Variants in PLXNA2 observed in about 807,000 individuals in gnomAD.
PLXNA2 encodes plexin A2.
In PLXNA2, 91 loss-of-function variants were observed where a neutral mutation model predicts 193.5. The observed-to-expected ratio is 0.47, with a 90% CI of 0.40 to 0.56. The LOEUF is 0.56. Among genes scored for constraint, PLXNA2 ranks in the 20% least tolerant of loss-of-function variants. The probability of loss-of-function intolerance (pLI) is 0.00; values close to 1 mark genes in which losing one functional copy is unlikely to be tolerated. For synonymous variants in PLXNA2, 997 were observed against 1,027.3 expected, an observed-to-expected ratio of 0.97 and a Z score of 0.56; for missense variants, 1,995 against 2,503.2, an observed-to-expected ratio of 0.80 and a Z score of 4.33.
At position 208,217,041 on chromosome 1, in the gene PLXNA2, C is replaced by T. The variant is rs139833440; in HGVS notation, c.882G>A (p.Val294=). Residue 294 remains valine, a synonymous_variant, in exon 2 of 32, where the codon GTG becomes GTA. Coordinates refer to ENST00000367033, the MANE Select transcript of PLXNA2 (RefSeq NM_025179.4). The surrounding 1 kb of genome is among the most constrained non-coding windows in gnomAD (Gnocchi z 4.7). Reference sequence around the variant, plus strand: ...CCCGGGTGCAGCCGAAGGGCAGGGACACGTATGAGTGGAACTTGGGGTCAT... The same window carrying T: ...CCCGGGTGCAGCCGAAGGGCAGGGATACGTATGAGTGGAACTTGGGGTCAT... The part of the protein sequence containing the change: ...CKDDPKFHSY[V]SLPFGCTRAG... The T allele has an allele frequency of 1.2e-6, 2 of 1,612,654 alleles. No individual in the cohort carries two copies. Among genetic ancestry groups the T allele is most frequent in the African/African-American group, 1.3e-5 (1 of 75,012 alleles).
At chr1:208,216,572 G>A (rs1158270885) in intron 2 of PLXNA2, among the ~76,000 whole-genome samples, 163 bp downstream of exon 2, 2 of 152,204 alleles carry the variant, frequency 1.3e-5, no homozygotes, top group African/African-American at 2.4e-5. Context: ...TCTGGTGTAC[G>A]TAAGACCCTG....
In PLXNA2 at chr1:208,044,351, T is replaced by A. The variant is rs1664981235; in HGVS notation, c.3874+157A>T. ...TCTTCATTGGACATCTCTGACCCTA[T>A]AAGCAAAAGAAGTTCTGGGAAAACA... On this transcript the variant is annotated intron_variant, in intron 20 of 31. Coordinates refer to ENST00000367033, the MANE Select transcript of PLXNA2 (RefSeq NM_025179.4). This position sits in a 1 kb window ranked among gnomAD's most constrained non-coding sequence, Gnocchi z 4.9. Among the ~76,000 whole-genome samples the A allele has an allele frequency of 6.6e-6, 1 of 152,228 alleles. No homozygotes were observed. Among genetic ancestry groups the A allele is most frequent in the Non-Finnish European group, 1.5e-5 (1 of 68,040 alleles).
At chr1:208,185,863 G>A (rs1669982547) in intron 3 of PLXNA2, among the ~76,000 whole-genome samples, 1 of 152,120 alleles carries the variant, frequency 6.6e-6, no homozygotes, top group Non-Finnish European at 1.5e-5. Context: ...AGGAAGAGGT[G>A]CTGGTGGTTT....
In PLXNA2 at chr1:208,101,649, T is replaced by C. The variant is rs991721827; in HGVS notation, c.1607+1498A>G. Among the ~76,000 whole-genome samples the C allele has an allele frequency of 2.0e-5, 3 of 152,286 alleles. No individual in the cohort carries two copies. The South Asian group carries it at 6.2e-4, about 32-fold the overall frequency. On this transcript the variant is annotated intron_variant, in intron 5 of 31. Transcript: ENST00000367033. ...TGCGGCAGCGGGGAGGCCCAGGCAT[T>C]GCTGATAGATCTATAGGCACTTGTT...
In PLXNA2 at chr1:208,217,831, G is replaced by A. The variant is rs778314708; in HGVS notation, c.92C>T (p.Pro31Leu). The change falls in exon 2 of 32, where the codon CCA (proline) becomes CTA (leucine). Residue 31 changes from proline to leucine, a missense_variant. By Grantham distance (98) the Pro-to-Leu change is moderately conservative (BLOSUM62 -3). Around this residue, in one of 3 missense-constraint regions of PLXNA2, gnomAD observed 702 missense variants for 812.9 expected, o/e 0.86. Transcript: ENST00000367033. This position sits in a 1 kb window ranked among gnomAD's most constrained non-coding sequence, Gnocchi z 4.7. ...LSVVWVLLAP[P>L]AAGMPQFSTF... Reference sequence around the variant, plus strand: ...GCTGAACTGAGGCATGCCGGCTGCTGGGGGGGCCAGCAGCACCCAGACCAC... The same window carrying A: ...GCTGAACTGAGGCATGCCGGCTGCTAGGGGGGCCAGCAGCACCCAGACCAC... 3.7e-6 allele frequency: 6 copies of A among 1,613,718 alleles called. No homozygotes were observed. The highest frequency in any genetic ancestry group is 5.1e-6 in the Non-Finnish European group (6 of 1,179,950).
chr1:208,192,817 G>A (rs1181121288), intron 3 of PLXNA2, among the ~76,000 whole-genome samples: 1 of 151,826 alleles, frequency 6.6e-6, no homozygotes, highest in African/African-American at 2.4e-5. Flanking sequence ...AACCCAGGAG[G>A]TGGAGGGTGC....
At chr1:208,211,784 C>T (rs749107653) in intron 2 of PLXNA2, among the ~76,000 whole-genome samples, 1 of 151,940 alleles carries the variant, frequency 6.6e-6, no homozygotes, top group Non-Finnish European at 1.5e-5. Flanking sequence ...AAAACTTGGA[C>T]AAGCAGGGTC....
At chr1:208,184,053 T>C (rs1324701988) in intron 3 of PLXNA2, among the ~76,000 whole-genome samples, 1 of 152,140 alleles carries the variant, frequency 6.6e-6, no homozygotes, top group Admixed American at 6.5e-5. Context: ...GATATAAAAG[T>C]TTTTTCTCAT....
chr1:208,187,061 G>T (rs999363294), intron 3 of PLXNA2, among the ~76,000 whole-genome samples: 3 of 152,168 alleles, frequency 2.0e-5, no homozygotes, highest in African/African-American at 7.2e-5. Flanking sequence ...GTAGGAAGGT[G>T]GGGGAGGGAC....
Position 208,092,871 on chromosome 1 carries a change from C to A in PLXNA2, c.2012G>T (p.Arg671Leu). ...LCLSCVNSAF[R>L]CHWCKYRNLC... Reference sequence around the variant, plus strand: ...GTTGCGGTACTTGCACCAATGGCAGCGGAAGGCGCTGTTGACACAGGACAG... The same window carrying A: ...GTTGCGGTACTTGCACCAATGGCAGAGGAAGGCGCTGTTGACACAGGACAG... Residue 671 changes from arginine (R) to leucine (L), a missense_variant, in exon 9 of 32, where the codon CGC becomes CTC. By Grantham distance (102) the Arg-to-Leu change is moderately radical (BLOSUM62 -2). This residue lies in a region of PLXNA2 where 1,291 missense variants were observed against 1,673.6 expected (regional missense o/e 0.77). Coordinates refer to ENST00000367033, the MANE Select transcript of PLXNA2 (RefSeq NM_025179.4). The A allele has an allele frequency of 6.2e-7, 1 of 1,613,782 alleles. No individual in the cohort carries two copies. Among genetic ancestry groups the A allele is most frequent in the Non-Finnish European group, 8.5e-7 (1 of 1,179,822 alleles).
chr1:208,054,495 C>T lies in PLXNA2; in HGVS notation c.2782G>A (p.Gly928Arg), dbSNP rs760161390. 6 of 1,614,236 alleles carry T rather than the reference C, an allele frequency of 3.7e-6. No individual in the cohort carries two copies. The highest frequency in any genetic ancestry group is 4.2e-6 in the Non-Finnish European group (5 of 1,180,040). ...MGHALVGTTSGPVRLCIGECK... is the reference protein window; with the variant it reads ...MGHALVGTTSRPVRLCIGECK... ...TCGCCAATACACAGGCGTACTGGCCCGGAGGTGGTTCCCACGAGGGCATGG... is the reference window on the plus strand; with the variant it reads ...TCGCCAATACACAGGCGTACTGGCCTGGAGGTGGTTCCCACGAGGGCATGG... Residue 928 changes from glycine to arginine, a missense_variant, in exon 14 of 32, where the codon GGG becomes AGG. Around this residue, in one of 3 missense-constraint regions of PLXNA2, gnomAD observed 1,291 missense variants for 1,673.6 expected, o/e 0.77. Coordinates refer to ENST00000367033, the MANE Select transcript of PLXNA2 (RefSeq NM_025179.4).
At chr1:208,130,132 A>T (rs1248808823) in intron 4 of PLXNA2, among the ~76,000 whole-genome samples, 1 of 152,168 alleles carries the variant, frequency 6.6e-6, no homozygotes, top group Non-Finnish European at 1.5e-5. Context: ...TGAGGGAGGT[A>T]ACTTGAGGCA....
At chr1:208,115,551 C>T (rs117574378) in intron 4 of PLXNA2, among the ~76,000 whole-genome samples, 2 of 152,242 alleles carry the variant, frequency 1.3e-5, no homozygotes, top group East Asian at 1.9e-4. Flanking sequence ...TACACCATAC[C>T]GCCTCTTAGA....
chr1:208,170,755 T>C (rs969151637), intron 3 of PLXNA2, among the ~76,000 whole-genome samples: 2 of 152,200 alleles, frequency 1.3e-5, no homozygotes, highest in African/African-American at 4.8e-5. Context: ...CAATTAACCA[T>C]TATTGGTTGA....
intron 3 of PLXNA2, among the ~76,000 whole-genome samples, chr1:208,170,113 T>G (rs1669442710): frequency 6.6e-6 from 1 of 152,220 alleles, no homozygotes; most frequent in Non-Finnish European, 1.5e-5. Flanking sequence ...TGATAGATGC[T>G]GATAGGTATA....
At chr1:208,202,757 G>A (rs954481357) in intron 3 of PLXNA2, among the ~76,000 whole-genome samples, 10 of 152,084 alleles carry the variant, frequency 6.6e-5, no homozygotes, top group East Asian at 3.9e-4. Context: ...GAATCATTAC[G>A]CCCATCCCAC....
At chr1:208,239,827 G>T (rs969761336) in intron 1 of PLXNA2, among the ~76,000 whole-genome samples, 5 of 152,236 alleles carry the variant, frequency 3.3e-5, no homozygotes, top group East Asian at 1.9e-4. Flanking sequence ...AACTGGCAGT[G>T]CGTGGGAAGA....
intron 3 of PLXNA2, among the ~76,000 whole-genome samples, chr1:208,198,218 T>C (rs1670421555): frequency 6.6e-6 from 1 of 152,222 alleles, no homozygotes; most frequent in Non-Finnish European, 1.5e-5. Context: ...CTGTTAACTA[T>C]TGCCTTAATG....
At position 208,034,612 on chromosome 1, in the gene PLXNA2, T is replaced by A. The variant is rs1442671709; in HGVS notation, c.4765-20A>T. The A allele has an allele frequency of 1.3e-6, 2 of 1,511,364 alleles. No homozygotes were observed. The highest frequency in any genetic ancestry group is 1.8e-6 in the Non-Finnish European group (2 of 1,086,336). The allele number at this position is 1,511,364 out of a possible 1,614,324, so 93.6% of individuals were successfully genotyped here. A position where few individuals can be genotyped will look rare whatever the true frequency, so the allele number is the denominator to read the frequency against. ...TGACACCTGAGAAGGGTACAAAAGG[T>A]ACAGTACAAAAGGTGAATGTAGGTG... On this transcript the variant is annotated intron_variant, in intron 26 of 31. Coordinates refer to ENST00000367033, the MANE Select transcript of PLXNA2 (RefSeq NM_025179.4).
Sources: allele counts gnomAD v4.1 joint callset (sites outside exome capture counted in the v4.1 genomes callset), GRCh38; gene constraint gnomAD v4.1.1; regional missense constraint gnomAD v4.1.1; non-coding constraint Gnocchi (gnomAD v3.1); transcripts MANE v1.5; gene names NCBI Gene and HGNC (gene_info 2026-07-23, HGNC 2026-07-21).